MORC3: variants seen among roughly 807,000 people sequenced by gnomAD.
MORC3 encodes the protein MORC family CW-type zinc finger protein 3.
In MORC3, 31 loss-of-function variants were observed where a neutral mutation model predicts 109.1. The ratio of observed to expected loss-of-function variants is 0.28; its 90% CI spans 0.21 to 0.38. The LOEUF (loss-of-function observed/expected upper bound fraction) is 0.38, where lower values mean the gene tolerates loss of function less well. Among genes scored for constraint, MORC3 ranks in the 10% least tolerant of loss-of-function variants. MORC3 has a pLI of 1.00. For missense variants in MORC3, 867 were observed against 1,135.8 expected, an observed-to-expected ratio of 0.76 and a Z score of 3.40; for synonymous variants, 395 against 380.7, an observed-to-expected ratio of 1.04 and a Z score of -0.44.
chr21:36,330,623 A>C (rs758081475), intron 1 of MORC3, among the ~76,000 whole-genome samples: 6 of 152,214 alleles, frequency 3.9e-5, no homozygotes, highest in Non-Finnish European at 8.8e-5. Context: ...TTGGCTCAGA[A>C]TAAACATCTT....
chr21:36,320,348 G>A, intron 1 of MORC3, 45 bp downstream of exon 1: 2 of 1,383,084 alleles, frequency 1.4e-6, no homozygotes, highest in South Asian at 1.6e-5. Flanking sequence ...CCAGGAGGGC[G>A]GGCGGGCAAG....
At chr21:36,365,474 T>C (rs1209601346) in intron 14 of MORC3, among the ~76,000 whole-genome samples, 2 of 152,234 alleles carry the variant, frequency 1.3e-5, no homozygotes, top group African/African-American at 2.4e-5. Flanking sequence ...TTTGTAACTT[T>C]TATCAAATTC....
chr21:36,365,655 C>A (rs1464676657), intron 14 of MORC3, among the ~76,000 whole-genome samples: 1 of 152,166 alleles, frequency 6.6e-6, no homozygotes, highest in Non-Finnish European at 1.5e-5. Context: ...AATCTCAACT[C>A]AATGCAACCT....
intron 1 of MORC3, among the ~76,000 whole-genome samples, chr21:36,326,198 AC>A: frequency 6.6e-6 from 1 of 151,304 alleles, no homozygotes; most frequent in South Asian, 2.1e-4. Flanking sequence ...CAAGAGTGAA[AC>A]TTATTCTCAA....
At chr21:36,331,630 A>G (rs1279728133) in intron 1 of MORC3, among the ~76,000 whole-genome samples, 9 of 151,800 alleles carry the variant, frequency 5.9e-5, no homozygotes, top group African/African-American at 2.2e-4. Context: ...CAAAAAAACT[A>G]CTTGTGTGTT....
At chr21:36,323,519 A>G (rs1392934931) in intron 1 of MORC3, among the ~76,000 whole-genome samples, 1 of 152,132 alleles carries the variant, frequency 6.6e-6, no homozygotes, top group Non-Finnish European at 1.5e-5. Context: ...CAATAACACC[A>G]CTTCCAGAAA....
intron 10 of MORC3, 116 bp from the exon 11 acceptor site, chr21:36,359,839 A>C: frequency 1.4e-6 from 2 of 1,452,978 alleles, no homozygotes; most frequent in Non-Finnish European, 1.9e-6. Flanking sequence ...TTACGTCATA[A>C]TTTTTAGGAA....
At chr21:36,372,236 A>G (rs1254314457) in intron 15 of MORC3, 138 bp from the exon 16 acceptor site, 2 of 655,200 alleles carry the variant, frequency 3.1e-6, no homozygotes, top group Non-Finnish European at 2.3e-6. Flanking sequence ...ATAGAAAACT[A>G]CTGGTTTTTC....
chr21:36,320,693 G>A (rs556263642), intron 1 of MORC3: 22 of 200,430 alleles, frequency 1.1e-4, no homozygotes, highest in Admixed American at 4.2e-4. Context: ...CGGGTTCCGC[G>A]TCCAGAAACG....
intron 6 of MORC3, 34 bp from the exon 7 acceptor site, chr21:36,344,545 G>T (rs755624705): frequency 6.2e-7 from 1 of 1,604,688 alleles, no homozygotes; most frequent in Non-Finnish European, 8.5e-7. Flanking sequence ...GAGCAAACCT[G>T]TAGATACTAA....
At position 36,362,241 on chromosome 21, in the gene MORC3, T is replaced by TC; in HGVS notation, c.1452+14dup. ...AATGATCCCTCGGGTAATTAAGCCT[T>TC]CTTTTTTTTTTTTTTTTTTAAATAG... On this transcript the variant is annotated intron_variant, in intron 13 of 16. Transcript: ENST00000400485. The TC allele has an allele frequency of 6.4e-7, 1 of 1,567,320 alleles. No individual in the cohort carries two copies. Among genetic ancestry groups the TC allele is most frequent in the Non-Finnish European group, 8.6e-7 (1 of 1,161,852 alleles).
intron 5 of MORC3, 53 bp downstream of exon 5, chr21:36,338,974 G>T (rs2085405467): frequency 1.3e-6 from 2 of 1,581,122 alleles, no homozygotes. Flanking sequence ...CACGTGCAGG[G>T]TGGTGGTGTT....
intron 16 of MORC3, among the ~76,000 whole-genome samples, chr21:36,374,392 A>G (rs779427165): frequency 1.3e-5 from 2 of 151,248 alleles, no homozygotes; most frequent in African/African-American, 4.9e-5. Context: ...TGCCCGGCGT[A>G]AAAAAAAAGC....
intron 1 of MORC3, among the ~76,000 whole-genome samples, chr21:36,321,916 T>G (rs1474681003): frequency 6.6e-6 from 1 of 152,206 alleles, no homozygotes; most frequent in Non-Finnish European, 1.5e-5. Context: ...GGTCAGTGTT[T>G]AGAGACCAGC....
intron 14 of MORC3, among the ~76,000 whole-genome samples, chr21:36,367,878 A>G (rs1034420285): frequency 2.0e-5 from 3 of 152,244 alleles, no homozygotes; most frequent in African/African-American, 4.8e-5. Flanking sequence ...TAATTTTTCA[A>G]CCCGGAAGCC....
Position 36,369,041 on chromosome 21 carries a change from G to A in MORC3, c.1673G>A (p.Arg558Lys), listed in dbSNP as rs767068699. The A allele has an allele frequency of 6.2e-7, 1 of 1,613,868 alleles. No homozygotes were observed. Among genetic ancestry groups the A allele is most frequent in the Non-Finnish European group, 8.5e-7 (1 of 1,179,870 alleles). Residue 558 changes from arginine to lysine, a missense_variant, in exon 15 of 17, where the codon AGA (arginine) becomes AAA (lysine). Transcript: ENST00000400485. ...RSSILNAKNR[R>K]LSSQFENSVY... Reference sequence around the variant, plus strand: ...TCAATTTTGAATGCAAAGAATCGGAGATTGAGTAGTCAGTTTGAAAATTCA... The same window carrying A: ...TCAATTTTGAATGCAAAGAATCGGAAATTGAGTAGTCAGTTTGAAAATTCA...
At chr21:36,368,944 C>T in intron 14 of MORC3, 44 bp from the exon 15 acceptor site, 2 of 1,454,668 alleles carry the variant, frequency 1.4e-6, no homozygotes, top group Non-Finnish European at 1.8e-6. Context: ...TCTATTTTGT[C>T]CATATTTTAT....
chr21:36,320,636 G>A (rs1477299993), intron 1 of MORC3: 2 of 267,740 alleles, frequency 7.5e-6, no homozygotes, highest in Non-Finnish European at 1.4e-5. Flanking sequence ...CGGGGCCGCG[G>A]GGCCCCTGAC....
intron 8 of MORC3, among the ~76,000 whole-genome samples, chr21:36,346,658 A>C (rs530234048): frequency 6.6e-6 from 1 of 151,612 alleles, no homozygotes; most frequent in East Asian, 1.9e-4. Flanking sequence ...AAAAATACAA[A>C]AATTAGCTGG....
Sources: gnomAD v4.1 joint callset for allele counts (sites outside exome capture counted in the v4.1 genomes callset) on GRCh38, gnomAD v4.1.1 for gene constraint, MANE v1.5 for transcripts, NCBI Gene and HGNC (gene_info 2026-07-23, HGNC 2026-07-21) for gene names.